The following TNNI3K variants were observed in gnomAD, a reference collection of about 807,000 sequenced individuals.
TNNI3K encodes the protein serine/threonine-protein kinase TNNI3K.
A neutral mutation model predicts 114.5 loss-of-function variants in TNNI3K; 140 were observed. The observed-to-expected ratio is 1.22, with a 90% CI of 1.07 to 1.41. The LOEUF (loss-of-function observed/expected upper bound fraction) is 1.41, where lower values mean the gene tolerates loss of function less well. Ranked by LOEUF, TNNI3K falls within the 40% of genes most tolerant of loss-of-function variation. TNNI3K has a pLI of 0.00. For missense variants in TNNI3K, 1,125 were observed against 1,007.6 expected (o/e 1.12, Z -1.58); for synonymous variants, 347 against 347.5 (o/e 1.00, Z 0.02).
chr1:74,479,451 G>C (rs972307108), intron 21 of TNNI3K, among the ~76,000 whole-genome samples: 3 of 152,138 alleles, frequency 2.0e-5, no homozygotes, highest in Non-Finnish European at 4.4e-5. Context: ...CATAGAGTTG[G>C]ACAAACAGAA....
At chr1:74,293,899 A>G (rs1657822579) in intron 5 of TNNI3K, among the ~76,000 whole-genome samples, 2 of 151,746 alleles carry the variant, frequency 1.3e-5, no homozygotes, top group African/African-American at 2.4e-5. Flanking sequence ...GTCCACAATT[A>G]CTATTAACAT....
At chr1:74,356,192 G>T (rs1380535213) in intron 11 of TNNI3K, among the ~76,000 whole-genome samples, 1 of 152,124 alleles carries the variant, frequency 6.6e-6, no homozygotes, top group Non-Finnish European at 1.5e-5. Context: ...TCACATTGTT[G>T]CAGGCAGTTG....
chr1:74,388,292 T>C (rs969061206), intron 17 of TNNI3K, among the ~76,000 whole-genome samples: 1 of 151,900 alleles, frequency 6.6e-6, no homozygotes, highest in African/African-American at 2.4e-5. Context: ...AAAATAATAA[T>C]AATTTTTTTC....
intron 5 of TNNI3K, among the ~76,000 whole-genome samples, chr1:74,292,327 T>C (rs1657731980): frequency 6.6e-6 from 1 of 151,580 alleles, no homozygotes; most frequent in African/African-American, 2.4e-5. Context: ...AGCTTATTAA[T>C]ATTTAGCCTT....
Position 74,417,891 on chromosome 1 carries a change from TA to T in TNNI3K, c.1773-18183del, listed in dbSNP as rs535340208. On this transcript the variant is annotated intron_variant, in intron 17 of 24. Transcript: ENST00000326637. ...AAGTTTTTAAGTAAAATGTGGCTGC[TA>T]AAAAATAAAAATCTAAAAATTACAA... 3.0e-3 allele frequency among the ~76,000 whole-genome samples: 451 copies of T among 152,124 alleles called. 2 individuals are homozygous for T. Among genetic ancestry groups the T allele is most frequent in the African/African-American group, 0.01 (425 of 41,520 alleles).
chr1:74,355,280 C>T (rs1661592065), intron 11 of TNNI3K, among the ~76,000 whole-genome samples: 1 of 152,080 alleles, frequency 6.6e-6, no homozygotes, highest in Non-Finnish European at 1.5e-5. Context: ...ATTTCCTAGC[C>T]TACCAAGTTG....
At chr1:74,486,660 C>T (rs898589259) in intron 21 of TNNI3K, among the ~76,000 whole-genome samples, 7 of 151,464 alleles carry the variant, frequency 4.6e-5, no homozygotes, top group Non-Finnish European at 7.4e-5. Context: ...TTTTTAAAGA[C>T]ATAAGACTGA....
intron 5 of TNNI3K, among the ~76,000 whole-genome samples, chr1:74,291,801 C>T (rs1004661289): frequency 4.0e-5 from 6 of 151,454 alleles, no homozygotes; most frequent in Non-Finnish European, 8.9e-5. Context: ...TATTTAAGTG[C>T]TTTACCTACC....
chr1:74,434,122 G>A (rs951734972), intron 17 of TNNI3K, among the ~76,000 whole-genome samples: 1 of 151,884 alleles, frequency 6.6e-6, no homozygotes, highest in African/African-American at 2.4e-5. Flanking sequence ...TGTGATTTCA[G>A]AGCATTAAAA....
intron 5 of TNNI3K, among the ~76,000 whole-genome samples, chr1:74,327,466 C>A (rs12118700): frequency 0.066 from 9,590 of 145,608 alleles, 350 homozygotes; most frequent in Middle Eastern, 0.11. Flanking sequence ...ATATATATAT[C>A]TCAGTATTAT....
chr1:74,358,560 A>G (rs1169198586), intron 11 of TNNI3K, among the ~76,000 whole-genome samples: 1 of 152,088 alleles, frequency 6.6e-6, no homozygotes, highest in Non-Finnish European at 1.5e-5. Flanking sequence ...GATTCATTAA[A>G]TTATTTGATA....
chr1:74,309,475 G>T (rs953839879), intron 5 of TNNI3K, among the ~76,000 whole-genome samples: 1 of 151,540 alleles, frequency 6.6e-6, no homozygotes, highest in African/African-American at 2.4e-5. Context: ...GTATCACCTT[G>T]GATACCAAAA....
At chr1:74,379,113 A>G (rs1663069676) in intron 17 of TNNI3K, among the ~76,000 whole-genome samples, 1 of 152,080 alleles carries the variant, frequency 6.6e-6, no homozygotes, top group Admixed American at 6.6e-5. Flanking sequence ...TGTTAATTTA[A>G]AAGCATGAGA....
intron 17 of TNNI3K, among the ~76,000 whole-genome samples, chr1:74,392,546 A>G (rs9988473): frequency 0.84 from 127,495 of 152,134 alleles, 54,043 homozygotes; most frequent in Middle Eastern, 0.93. Flanking sequence ...TCCATCAGTA[A>G]CCCTACTGCT....
chr1:74,372,673 A>C (rs1662676398), intron 17 of TNNI3K: 1 of 151,830 alleles, frequency 6.6e-6, no homozygotes, highest in Admixed American at 6.6e-5. Flanking sequence ...ACATTTTTGC[A>C]CATGGTATTA....
At chr1:74,243,024 A>G (rs1654341642) in intron 2 of TNNI3K, among the ~76,000 whole-genome samples, 1 of 152,144 alleles carries the variant, frequency 6.6e-6, no homozygotes, top group South Asian at 2.1e-4. Flanking sequence ...CAATACAAAA[A>G]CAGTAAAAAT....
intron 19 of TNNI3K, among the ~76,000 whole-genome samples, chr1:74,438,173 A>G (rs572496994): frequency 1.7e-4 from 26 of 151,976 alleles, no homozygotes; most frequent in African/African-American, 6.3e-4. Flanking sequence ...TATGTTATCT[A>G]ATCAGTCTAT....
chr1:74,246,656 C>T (rs1052415291), intron 2 of TNNI3K, among the ~76,000 whole-genome samples: 6 of 152,112 alleles, frequency 3.9e-5, no homozygotes, highest in Admixed American at 3.3e-4. Flanking sequence ...AACCAGCAGC[C>T]TAAGCAAAAC....
intron 23 of TNNI3K, among the ~76,000 whole-genome samples, chr1:74,517,849 G>A (rs889851147): frequency 4.1e-4 from 63 of 152,180 alleles, no homozygotes; most frequent in African/African-American, 1.4e-3. Context: ...CACTACCAGA[G>A]TTTCTGATTC....
Sources: gnomAD v4.1 joint callset for allele counts (sites outside exome capture counted in the v4.1 genomes callset) on GRCh38, gnomAD v4.1.1 for gene constraint, MANE v1.5 for transcripts, NCBI Gene and HGNC (gene_info 2026-07-23, HGNC 2026-07-21) for gene names.